The following PLCB1 variants were observed in gnomAD, a reference collection of about 807,000 sequenced individuals.
PLCB1 encodes 1-phosphatidylinositol 4,5-bisphosphate phosphodiesterase beta-1.
In PLCB1, 46 loss-of-function variants were observed where a neutral mutation model predicts 161.8. The ratio of observed to expected loss-of-function variants is 0.28; its 90% CI spans 0.22 to 0.36. The LOEUF is 0.36. PLCB1 is among the 10% of genes least tolerant of loss of function. The pLI is 1.00. For synonymous variants in PLCB1, 517 were observed against 503.7 expected (o/e 1.03, Z -0.35); for missense variants, 1,016 against 1,472.5 (o/e 0.69, Z 5.07).
intron 9 of PLCB1, among the ~76,000 whole-genome samples, chr20:8,682,963 A>G (rs1465738499): frequency 6.6e-6 from 1 of 152,164 alleles, no homozygotes; most frequent in East Asian, 1.9e-4. Context: ...CATTTATACT[A>G]GTGAAAAAAT....
At chr20:8,440,846 A>G (rs1166275040) in intron 3 of PLCB1, among the ~76,000 whole-genome samples, 1 of 151,926 alleles carries the variant, frequency 6.6e-6, no homozygotes, top group Non-Finnish European at 1.5e-5. Context: ...TTTTATATAT[A>G]TATATATATG....
Position 8,659,991 on chromosome 20 carries a change from C to CAAA in PLCB1, c.862+1302_862+1304dup, listed in dbSNP as rs11482818. On this transcript the variant is annotated intron_variant, in intron 9 of 31. Transcript: ENST00000338037. ...TGGGTGACAGAGGAAGACTCTGTCTCAAAAAAAAAAAAAAAAAGAAGAAGA... is the reference window on the plus strand; with the variant it reads ...TGGGTGACAGAGGAAGACTCTGTCTCAAAAAAAAAAAAAAAAAAAAGAAGAAGA... Among the ~76,000 whole-genome samples, 636 of 109,774 alleles carry CAAA rather than the reference C, an allele frequency of 5.8e-3. 7 individuals carry two copies. The highest frequency in any genetic ancestry group is 0.019 in the African/African-American group (572 of 30,310). The allele number at this position is 109,774 out of a possible 152,430, so 72.0% of individuals were successfully genotyped here.
At chr20:8,268,574 G>T (rs568658119) in intron 2 of PLCB1, among the ~76,000 whole-genome samples, 14 of 152,184 alleles carry the variant, frequency 9.2e-5, no homozygotes, top group Non-Finnish European at 1.6e-4. Flanking sequence ...CTAATTTACA[G>T]TCCCACCAAC....
At chr20:8,332,149 G>T (rs1452134072) in intron 2 of PLCB1, among the ~76,000 whole-genome samples, 2 of 152,184 alleles carry the variant, frequency 1.3e-5, no homozygotes, top group African/African-American at 4.8e-5. Context: ...AATGCCTTGT[G>T]CTGCCCTTGG....
At chr20:8,650,810 T>C (rs553334202) in intron 7 of PLCB1, among the ~76,000 whole-genome samples, 1 of 151,928 alleles carries the variant, frequency 6.6e-6, no homozygotes, top group African/African-American at 2.4e-5. Context: ...TAAATATATT[T>C]ACATACTTTA....
chr20:8,721,378 C>T (rs746622484), intron 14 of PLCB1, among the ~76,000 whole-genome samples: 2 of 152,150 alleles, frequency 1.3e-5, no homozygotes, highest in Admixed American at 6.6e-5. Flanking sequence ...ACTTTCGAAC[C>T]ATTTAGAACA....
intron 2 of PLCB1, chr20:8,306,414 G>A (rs1040232858): frequency 1.3e-5 from 2 of 152,180 alleles, no homozygotes; most frequent in African/African-American, 2.4e-5. Context: ...TTCTGCACAA[G>A]TCAAATATAA....
At chr20:8,595,264 C>G (rs906760246) in intron 3 of PLCB1, among the ~76,000 whole-genome samples, 2 of 131,356 alleles carry the variant, frequency 1.5e-5, no homozygotes, top group Non-Finnish European at 3.2e-5. Flanking sequence ...CCCCACCCCA[C>G]AACAGTCCCC....
At chr20:8,546,885 T>C (rs1388201403) in intron 3 of PLCB1, among the ~76,000 whole-genome samples, 1 of 152,214 alleles carries the variant, frequency 6.6e-6, no homozygotes, top group Non-Finnish European at 1.5e-5. Flanking sequence ...TGTGCTTTTC[T>C]AAATATTATC....
chr20:8,805,347 A>C (rs963314632), intron 31 of PLCB1, among the ~76,000 whole-genome samples: 5 of 152,216 alleles, frequency 3.3e-5, no homozygotes, highest in African/African-American at 1.2e-4. Context: ...GTCTTTAGAT[A>C]AAGAGCTGTA....
intron 31 of PLCB1, among the ~76,000 whole-genome samples, chr20:8,879,923 G>T (rs184991497): frequency 6.6e-6 from 1 of 152,162 alleles, no homozygotes; most frequent in African/African-American, 2.4e-5. Context: ...TAGAACTGGG[G>T]GCTGAGAGTA....
chr20:8,793,007 A>G (rs1983840232), intron 31 of PLCB1, among the ~76,000 whole-genome samples: 1 of 152,238 alleles, frequency 6.6e-6, no homozygotes, highest in Non-Finnish European at 1.5e-5. Flanking sequence ...GATGGAAAAT[A>G]CAGTAACACT....
At chr20:8,556,728 G>A (rs1985968544) in intron 3 of PLCB1, among the ~76,000 whole-genome samples, 1 of 150,394 alleles carries the variant, frequency 6.6e-6, no homozygotes, top group African/African-American at 2.4e-5. Context: ...AGGGAAATCT[G>A]CCAAACCACT....
At chr20:8,470,493 T>G (rs1982004523) in intron 3 of PLCB1, among the ~76,000 whole-genome samples, 1 of 152,196 alleles carries the variant, frequency 6.6e-6, no homozygotes, top group African/African-American at 2.4e-5. Context: ...TGATGTGCAT[T>G]TCCCTAATCC....
intron 31 of PLCB1, among the ~76,000 whole-genome samples, chr20:8,879,986 A>AT (rs1434487898): frequency 2.0e-5 from 3 of 152,174 alleles, no homozygotes; most frequent in Non-Finnish European, 4.4e-5. Flanking sequence ...CCACCTTGGC[A>AT]TCCCCCAAGA....
At chr20:8,690,922 T>G (rs1226688817) in intron 10 of PLCB1, among the ~76,000 whole-genome samples, 1 of 152,208 alleles carries the variant, frequency 6.6e-6, no homozygotes, top group Non-Finnish European at 1.5e-5. Context: ...CTGTCATGAT[T>G]TTTGCAAAGG....
Position 8,509,757 on chromosome 20 carries a change from G to C in PLCB1, c.247-118537G>C, listed in dbSNP as rs950832180. Among the ~76,000 whole-genome samples the C allele has an allele frequency of 1.2e-4, 19 of 152,020 alleles. No individual in the cohort carries two copies. The East Asian group carries it at 3.1e-3, about 25-fold the overall frequency. On this transcript the variant is annotated intron_variant, in intron 3 of 31. Coordinates refer to ENST00000338037, the MANE Select transcript of PLCB1 (RefSeq NM_015192.4). ...AGATAGATAGATAGATAGATAGATA[G>C]ATAGATAGATAGATAGATAGATAGA... is the stretch of plus-strand genomic sequence containing the variant.
chr20:8,340,793 A>C (rs1985780822), intron 2 of PLCB1, among the ~76,000 whole-genome samples: 1 of 152,142 alleles, frequency 6.6e-6, no homozygotes, highest in Non-Finnish European at 1.5e-5. Flanking sequence ...CGAATACCTA[A>C]ACACTATCAT....
chr20:8,574,245 A>G (rs1269483003), intron 3 of PLCB1, among the ~76,000 whole-genome samples: 2 of 152,168 alleles, frequency 1.3e-5, no homozygotes, highest in Non-Finnish European at 2.9e-5. Flanking sequence ...TTAAAAATAC[A>G]AAAATTAGCC....
Sources: allele counts gnomAD v4.1 joint callset (sites outside exome capture counted in the v4.1 genomes callset), GRCh38; gene constraint gnomAD v4.1.1; transcripts MANE v1.5; gene names NCBI Gene and HGNC (gene_info 2026-07-23, HGNC 2026-07-21).